The following IGSF11 variants were observed in gnomAD, a reference collection of about 807,000 sequenced individuals.
IGSF11 encodes CXADR like 1.
Under a neutral mutation model 41.0 loss-of-function variants are expected in IGSF11, and 22 were observed. That is an observed-to-expected ratio of 0.54 (90% CI 0.38 to 0.77). IGSF11 has a LOEUF of 0.77. Among genes scored for constraint, IGSF11 ranks in the 30% least tolerant of loss-of-function variants. The pLI is 0.00. For missense variants in IGSF11, 444 were observed against 530.8 expected (o/e 0.84, Z 1.61); for synonymous variants, 219 against 201.3 (o/e 1.09, Z -0.74).
chr3:119,055,884 C>A (rs1559840561), intron 1 of IGSF11, among the ~76,000 whole-genome samples: 1 of 152,014 alleles, frequency 6.6e-6, no homozygotes, highest in Non-Finnish European at 1.5e-5. Flanking sequence ...GGGTACATAA[C>A]GAAATGAAGT....
intron 1 of IGSF11, among the ~76,000 whole-genome samples, chr3:119,099,703 G>C (rs2076911780): frequency 1.3e-5 from 2 of 152,204 alleles, no homozygotes; most frequent in African/African-American, 4.8e-5. Context: ...AGAAATCATG[G>C]AGGGCCTTGA....
At chr3:119,029,268 A>C (rs1024491570) in intron 1 of IGSF11, among the ~76,000 whole-genome samples, 3 of 148,460 alleles carry the variant, frequency 2.0e-5, no homozygotes, top group Non-Finnish European at 4.5e-5. Flanking sequence ...ACACACACAC[A>C]CACACACCCG....
chr3:119,069,998 A>C (rs530814411), intron 1 of IGSF11, among the ~76,000 whole-genome samples: 46 of 152,352 alleles, frequency 3.0e-4, no homozygotes, highest in African/African-American at 1.1e-3. Flanking sequence ...GGTGCTAGGC[A>C]CTTTGCAGCA....
chr3:118,955,252 A>ACACG (rs902565342), intron 1 of IGSF11, among the ~76,000 whole-genome samples: 5 of 151,064 alleles, frequency 3.3e-5, no homozygotes, highest in African/African-American at 1.2e-4. Context: ...ACACACACAC[A>ACACG]CATACACACA....
chr3:119,138,336 T>C (rs910470521), intron 1 of IGSF11, among the ~76,000 whole-genome samples: 4 of 152,092 alleles, frequency 2.6e-5, no homozygotes, highest in African/African-American at 9.7e-5. Flanking sequence ...CATCAACAGA[T>C]TAATGGATTT....
chr3:118,994,723 G>A (rs939682517), intron 1 of IGSF11, among the ~76,000 whole-genome samples: 5 of 152,230 alleles, frequency 3.3e-5, no homozygotes, highest in African/African-American at 9.6e-5. Context: ...GTCTAAGACA[G>A]ATACATATGC....
At chr3:119,000,986 A>AT (rs1392481705) in intron 1 of IGSF11, among the ~76,000 whole-genome samples, 1 of 152,122 alleles carries the variant, frequency 6.6e-6, no homozygotes, top group Non-Finnish European at 1.5e-5. Flanking sequence ...TTTCTATAAT[A>AT]TTCCTTGCCT....
At chr3:119,134,614 A>C (rs1278548214) in intron 1 of IGSF11, among the ~76,000 whole-genome samples, 1 of 152,224 alleles carries the variant, frequency 6.6e-6, no homozygotes, top group Non-Finnish European at 1.5e-5. Flanking sequence ...AGGAAGAATC[A>C]ACATCATGAA....
At chr3:118,959,785 A>G (rs1945210004) in intron 1 of IGSF11, among the ~76,000 whole-genome samples, 1 of 152,130 alleles carries the variant, frequency 6.6e-6, no homozygotes, top group Non-Finnish European at 1.5e-5. Flanking sequence ...GCAGTAGCTC[A>G]CACCTGTAAT....
intron 1 of IGSF11, among the ~76,000 whole-genome samples, chr3:119,056,921 A>T (rs143324312): frequency 0.016 from 2,475 of 152,330 alleles, 73 homozygotes; most frequent in African/African-American, 0.056. Context: ...AAAATTCAAC[A>T]GCCCTTCATG....
chr3:119,011,854 A>G (rs1358180142), intron 1 of IGSF11, among the ~76,000 whole-genome samples: 1 of 152,220 alleles, frequency 6.6e-6, no homozygotes, highest in Non-Finnish European at 1.5e-5. Flanking sequence ...AATGTTGAAC[A>G]TATAATCTAA....
intron 1 of IGSF11, among the ~76,000 whole-genome samples, chr3:119,024,882 T>C (rs1358856634): frequency 6.6e-6 from 1 of 152,188 alleles, no homozygotes; most frequent in Non-Finnish European, 1.5e-5. Flanking sequence ...AAGAAGATAT[T>C]GTCATACTTA....
chr3:119,072,575 T>C (rs2076417103), intron 1 of IGSF11, among the ~76,000 whole-genome samples: 1 of 152,210 alleles, frequency 6.6e-6, no homozygotes, highest in South Asian at 2.1e-4. Flanking sequence ...GTTTGTGGTC[T>C]CGCTGGCTTC....
At chr3:118,904,292 T>C (rs1260549182) in intron 6 of IGSF11, among the ~76,000 whole-genome samples, 2 of 152,208 alleles carry the variant, frequency 1.3e-5, no homozygotes, top group African/African-American at 4.8e-5. Context: ...GAGTTCCTTC[T>C]TGCTTTATGT....
At chr3:118,903,433 A>C (rs567731107) in intron 6 of IGSF11, among the ~76,000 whole-genome samples, 7 of 152,262 alleles carry the variant, frequency 4.6e-5, no homozygotes, top group African/African-American at 1.7e-4. Flanking sequence ...TCCATGAAGA[A>C]ATCTACTAAA....
intron 1 of IGSF11, among the ~76,000 whole-genome samples, chr3:119,030,898 TGA>T (rs1403524181): frequency 6.6e-6 from 1 of 152,110 alleles, no homozygotes; most frequent in Non-Finnish European, 1.5e-5. Context: ...AATTCAGTGT[TGA>T]GAGAGTATAA....
At chr3:119,109,472 TTCTC>T (rs2077102539), upstream of IGSF11, among the ~76,000 whole-genome samples, 2 of 152,234 alleles carry the variant, frequency 1.3e-5, no homozygotes, top group South Asian at 2.1e-4. Flanking sequence ...TATTTGATTC[TTCTC>T]TCTTTTTTTC....
intron 1 of IGSF11, among the ~76,000 whole-genome samples, chr3:119,118,603 G>A (rs941751803): frequency 6.6e-6 from 1 of 152,178 alleles, no homozygotes; most frequent in South Asian, 2.1e-4. Flanking sequence ...TTTCCCCATT[G>A]TCTTAATGAT....
chr3:118,942,987 G>A (rs1943822073), intron 1 of IGSF11: 1 of 152,252 alleles, frequency 6.6e-6, no homozygotes, highest in Non-Finnish European at 1.5e-5. Context: ...TTTGCTCAGA[G>A]GACAAAGGAA....
Sources: allele counts gnomAD v4.1 joint callset (sites outside exome capture counted in the v4.1 genomes callset), GRCh38; gene constraint gnomAD v4.1.1; transcripts MANE v1.5; gene names NCBI Gene and HGNC (gene_info 2026-07-23, HGNC 2026-07-21).